Variants in ZNF469 observed in about 807,000 individuals in gnomAD.
ZNF469 encodes zinc finger protein 469.
A neutral mutation model predicts 1.0 loss-of-function variants in ZNF469; 1 was observed. The observed-to-expected ratio is 1.00, with a 90% CI of 0.35 to 4.73. ZNF469 has a LOEUF of 4.73. Among genes scored for constraint, ZNF469 ranks in the 30% most tolerant of loss-of-function variants. ZNF469 has a pLI of 0.16. For synonymous variants in ZNF469, 2,703 were observed against 2,363.4 expected (o/e 1.14, Z -4.17); for missense variants, 6,100 against 5,356.3 (o/e 1.14, Z -4.33).
At chr16:88,188,285 C>G in the ZNF469 span, among the ~76,000 whole-genome samples, 1 of 151,948 alleles carries the variant, frequency 6.6e-6, no homozygotes, top group Admixed American at 6.6e-5. Context: ...CGACTGAGCA[C>G]CCGTGTAACT....
chr16:88,167,996 C>T, the ZNF469 span, among the ~76,000 whole-genome samples: 3 of 152,364 alleles, frequency 2.0e-5, no homozygotes, highest in Admixed American at 6.5e-5. Flanking sequence ...TGCAGTTTGG[C>T]GGGCGGGTCC....
chr16:88,435,193 C>T lies in ZNF469; in HGVS notation c.7723C>T (p.Pro2575Ser), dbSNP rs1288098083. 2 of 1,550,364 alleles carry T rather than the reference C, an allele frequency of 1.3e-6. No individual in the cohort carries two copies. Among genetic ancestry groups the T allele is most frequent in the Admixed American group, 2.0e-5 (1 of 51,012 alleles). Residue 2575 changes from proline to serine, a missense_variant, in exon 3 of 3, where the codon CCT becomes TCT. By Grantham distance (74) the Pro-to-Ser change is moderately conservative (BLOSUM62 -1). Coordinates refer to ENST00000565624, the MANE Select transcript of ZNF469 (RefSeq NM_001367624.2). ...PGSPHSQQLHPPSPTEHEVDV... is the reference protein window; with the variant it reads ...PGSPHSQQLHSPSPTEHEVDV... ...GTCCCCACACAGCCAGCAGCTGCAC[C>T]CTCCAAGCCCTACTGAGCATGAGGT... is the stretch of plus-strand genomic sequence containing the variant.
the ZNF469 span, among the ~76,000 whole-genome samples, chr16:88,143,602 C>T: frequency 6.6e-6 from 1 of 152,264 alleles, no homozygotes; most frequent in Admixed American, 6.5e-5. Flanking sequence ...GGAGGTGGCC[C>T]AGGCCCAGGG....
At chr16:88,421,770 A>G (rs893650603) in intron 1 of ZNF469, among the ~76,000 whole-genome samples, 59 of 152,328 alleles carry the variant, frequency 3.9e-4, no homozygotes, top group African/African-American at 1.3e-3. Context: ...CCTGCCTTCA[A>G]ATCTCAGCTT....
chr16:88,149,392 G>A, the ZNF469 span, among the ~76,000 whole-genome samples: 1 of 152,134 alleles, frequency 6.6e-6, no homozygotes, highest in Non-Finnish European at 1.5e-5. Flanking sequence ...CCCCTTATCT[G>A]TCAGGCCGGT....
At chr16:88,386,538 C>T (rs1024303495) in intron 1 of ZNF469, among the ~76,000 whole-genome samples, 5 of 152,168 alleles carry the variant, frequency 3.3e-5, no homozygotes, top group Admixed American at 6.5e-5. Flanking sequence ...TCCCCCTTGA[C>T]GAAGGGGCCC....
chr16:88,263,494 A>G, the ZNF469 span, among the ~76,000 whole-genome samples: 1 of 152,162 alleles, frequency 6.6e-6, no homozygotes, highest in East Asian at 1.9e-4. Flanking sequence ...CGGGGCCCCA[A>G]GGAGACAGAG....
At chr16:88,291,702 T>C in the ZNF469 span, among the ~76,000 whole-genome samples, 1 of 151,610 alleles carries the variant, frequency 6.6e-6, no homozygotes, top group African/African-American at 2.4e-5. Context: ...CGGAAGCACT[T>C]CTCATGGCTG....
At chr16:88,255,837 A>G in the ZNF469 span, among the ~76,000 whole-genome samples, 1 of 152,176 alleles carries the variant, frequency 6.6e-6, no homozygotes, top group Non-Finnish European at 1.5e-5. Context: ...GAAGTTTATT[A>G]CAGGGTTGGA....
the ZNF469 span, among the ~76,000 whole-genome samples, chr16:88,173,603 G>A: frequency 0.086 from 13,020 of 151,936 alleles, 642 homozygotes; most frequent in Admixed American, 0.16. Context: ...ATAGATAAAC[G>A]CATTTTCCTC....
At chr16:88,340,936 T>C in the ZNF469 span, among the ~76,000 whole-genome samples, 42,964 of 151,328 alleles carry the variant, frequency 0.28, 6,663 homozygotes, top group African/African-American at 0.42. Flanking sequence ...GCCCTGGGGG[T>C]TGGGGTAGCA....
chr16:88,163,870 A>G, the ZNF469 span, among the ~76,000 whole-genome samples: 1 of 146,992 alleles, frequency 6.8e-6, no homozygotes, highest in Non-Finnish European at 1.5e-5. Context: ...ATAGGTAGGT[A>G]AGTGGATGAA....
the ZNF469 span, among the ~76,000 whole-genome samples, chr16:88,106,681 G>A: frequency 6.6e-6 from 1 of 152,198 alleles, no homozygotes; most frequent in Admixed American, 6.5e-5. Context: ...AGGTTGGGTG[G>A]GCCATGGCTG....
rs533776840 is a variant in ZNF469, at chr16:88,400,971, G to A, written c.-192+17717G>A. On this transcript the variant is annotated intron_variant, in intron 1 of 2. Coordinates refer to ENST00000565624, the MANE Select transcript of ZNF469 (RefSeq NM_001367624.2). The stretch of plus-strand genomic sequence containing the variant: ...AGGCCAGGGGTTGCTTCTGCAGACC[G>A]GAGGGGGATGGAAGGGCATCCACTG... 1.9e-3 allele frequency among the ~76,000 whole-genome samples: 290 copies of A among 152,138 alleles called. 1 individual carries two copies. Among genetic ancestry groups the A allele is most frequent in the African/African-American group, 6.5e-3 (270 of 41,506 alleles).
chr16:88,128,436 G>T, the ZNF469 span, among the ~76,000 whole-genome samples: 2 of 152,144 alleles, frequency 1.3e-5, no homozygotes, highest in Non-Finnish European at 2.9e-5. Flanking sequence ...ATTTTTTGCT[G>T]TTCTCACCCT....
At chr16:88,394,280 A>C (rs186781075) in intron 1 of ZNF469, among the ~76,000 whole-genome samples, 961 of 89,706 alleles carry the variant, frequency 0.011, no homozygotes, top group Non-Finnish European at 0.013. Flanking sequence ...GCCTGAGAGG[A>C]GCAGGGTTTG....
At chr16:88,133,891 C>T in the ZNF469 span, among the ~76,000 whole-genome samples, 4,063 of 149,966 alleles carry the variant, frequency 0.027, no homozygotes, top group African/African-American at 0.094. Flanking sequence ...GTCAGGAGTT[C>T]GAGACCAGCC....
At chr16:88,269,357 C>T in the ZNF469 span, among the ~76,000 whole-genome samples, 4 of 151,994 alleles carry the variant, frequency 2.6e-5, no homozygotes, top group South Asian at 2.1e-4. Flanking sequence ...CCCGGACGGC[C>T]GGGCCTACAG....
At chr16:88,197,080 C>T in the ZNF469 span, among the ~76,000 whole-genome samples, 8 of 152,220 alleles carry the variant, frequency 5.3e-5, no homozygotes, top group African/African-American at 1.9e-4. Flanking sequence ...ATGCTTCTGG[C>T]TGGCGCTCAC....
Sources: gnomAD v4.1 joint callset for allele counts (sites outside exome capture counted in the v4.1 genomes callset) on GRCh38, gnomAD v4.1.1 for gene constraint, MANE v1.5 for transcripts, NCBI Gene and HGNC (gene_info 2026-07-23, HGNC 2026-07-21) for gene names.